LETM2: variants seen among roughly 807,000 people sequenced by gnomAD.
LETM2 encodes the protein LETM1 domain-containing protein LETM2, mitochondrial.
LETM2 carries 58 observed loss-of-function variants against 59.6 expected under a neutral mutation model. The observed-to-expected ratio is 0.97, with a 90% CI of 0.79 to 1.21. The LOEUF (loss-of-function observed/expected upper bound fraction) is 1.21. Ranked by LOEUF, LETM2 falls within the 50% of genes most tolerant of loss-of-function variation. The pLI is 0.00. For missense variants in LETM2, 572 were observed against 575.7 expected, an observed-to-expected ratio of 0.99 and a Z score of 0.07; for synonymous variants, 199 against 214.1, an observed-to-expected ratio of 0.93 and a Z score of 0.62.
In LETM2 at chr8:38,400,458, A is replaced by G. The variant is rs758666746; in HGVS notation, c.783+49A>G. ...GAACAACTTCGGGGCTGGGCGTTCT[A>G]TGAAAAACGCATGTCATCATGGATT... On this transcript the variant is annotated intron_variant, in intron 5 of 10. Transcript: ENST00000379957. The G allele has an allele frequency of 5.3e-6, 8 of 1,513,112 alleles. No individual in the cohort carries two copies. In the South Asian group the frequency reaches 1.1e-4, roughly 20 times the overall value. 93.7% of individuals were successfully genotyped at this position (1,513,112 alleles called of 1,614,324 possible).
chr8:38,389,691 C>A (rs111422600), intron 2 of LETM2, among the ~76,000 whole-genome samples: 1 of 151,972 alleles, frequency 6.6e-6, no homozygotes, highest in Non-Finnish European at 1.5e-5. Flanking sequence ...GAAGATAGCT[C>A]GAGCCCAGGA....
chr8:38,398,911 G>A (rs1274098338), intron 4 of LETM2, among the ~76,000 whole-genome samples: 14 of 151,888 alleles, frequency 9.2e-5, no homozygotes, highest in Admixed American at 2.6e-4. Context: ...GTAGAGACAG[G>A]GTTTCACCGT....
At chr8:38,400,720 A>T in intron 5 of LETM2, 133 bp from the exon 6 acceptor site, 1 of 835,778 alleles carries the variant, frequency 1.2e-6, no homozygotes. Context: ...TCTTTTCTTT[A>T]TACCACGAAG....
chr8:38,400,758 C>T, intron 5 of LETM2, 95 bp from the exon 6 acceptor site: 1 of 1,087,578 alleles, frequency 9.2e-7, no homozygotes, highest in Non-Finnish European at 1.3e-6. Context: ...GACAGAGTCC[C>T]ATAAATGCTT....
intron 2 of LETM2, among the ~76,000 whole-genome samples, chr8:38,391,562 G>T (rs1354804713): frequency 6.6e-6 from 1 of 151,902 alleles, no homozygotes; most frequent in Admixed American, 6.6e-5. Flanking sequence ...CAAAGTGCTG[G>T]GATTACAGGC....
rs1207166775 is a variant in LETM2, at chr8:38,392,818, A to G, written c.324A>G (p.Thr108=). ...KHPQVTSPQA[T]KETGMEIKEG... ...CACAGGTGACAAGCCCTCAGGCCAC[A>G]AAAGAAACTGGCATGGAGATTAAAG... The change falls in exon 3 of 11, where the codon ACA becomes ACG. Residue 108 remains threonine (T), a synonymous_variant. Transcript: ENST00000379957. 1 of 1,614,186 alleles carries G rather than the reference A, an allele frequency of 6.2e-7. No homozygotes were observed.
chr8:38,398,200 A>G lies in LETM2; in HGVS notation c.646-2072A>G, dbSNP rs535076981. ...GGGATACCTTCACAGGATAAATCAA[A>G]TTACAATATTTGACTGCCTGGCAAT... On this transcript the variant is annotated intron_variant, in intron 4 of 10. Transcript: ENST00000379957. Among the ~76,000 whole-genome samples the G allele has an allele frequency of 7.2e-5, 11 of 152,220 alleles. 1 individual carries two copies. In the South Asian group the frequency reaches 2.1e-3, roughly 29 times the overall value.
intron 8 of LETM2, among the ~76,000 whole-genome samples, chr8:38,405,958 T>G (rs539734796): frequency 6.6e-6 from 1 of 152,234 alleles, no homozygotes; most frequent in Admixed American, 6.5e-5. Flanking sequence ...CTATTCTCCA[T>G]GTATATATAC....
upstream of LETM2, among the ~76,000 whole-genome samples, chr8:38,385,176 C>G (rs1178684152): frequency 1.3e-5 from 2 of 152,160 alleles, no homozygotes; most frequent in Non-Finnish European, 2.9e-5. Flanking sequence ...AAAGTTTTGC[C>G]TATTTAACAG....
At chr8:38,396,443 C>T (rs777400754) in intron 4 of LETM2, among the ~76,000 whole-genome samples, 5 of 152,252 alleles carry the variant, frequency 3.3e-5, no homozygotes, top group Middle Eastern at 3.4e-3. Context: ...GGATAACAGA[C>T]GTGAGCCACT....
intron 7 of LETM2, among the ~76,000 whole-genome samples, chr8:38,403,776 CTTGAACG>C (rs1813450599): frequency 6.6e-6 from 1 of 152,196 alleles, no homozygotes; most frequent in South Asian, 2.1e-4. Flanking sequence ...TCATGTATTT[CTTGAACG>C]TTGGCTATGA....
rs1344446219 is a variant in LETM2, at chr8:38,408,814, A to C, written c.*540A>C. On this transcript the variant is annotated 3_prime_UTR_variant, in exon 11 of 11. Coordinates refer to ENST00000379957, the MANE Select transcript of LETM2 (RefSeq NM_001286819.2). ...TGGATATAATGAAGCTTCCTGGAGAAACAGACTGGCAATCAGAAAGATTTG... is the reference window on the plus strand; with the variant it reads ...TGGATATAATGAAGCTTCCTGGAGACACAGACTGGCAATCAGAAAGATTTG... 1 of 152,390 alleles carries C rather than the reference A, an allele frequency of 6.6e-6. No individual in the cohort carries two copies. The highest frequency in any genetic ancestry group is 2.4e-5 in the African/African-American group (1 of 41,474). The allele number at this position is 152,390 out of a possible 1,614,324, so 9.4% of individuals were successfully genotyped here.
upstream of LETM2, chr8:38,386,250 C>G (rs1437212044): frequency 6.6e-6 from 1 of 152,326 alleles, no homozygotes; most frequent in African/African-American, 2.4e-5. Flanking sequence ...TTAGCCACTG[C>G]CTGCGGAGTG....
intron 4 of LETM2, among the ~76,000 whole-genome samples, chr8:38,395,608 C>T (rs369523565): frequency 2.6e-4 from 40 of 152,058 alleles, no homozygotes; most frequent in African/African-American, 9.6e-4. Context: ...CTCTGCTTCC[C>T]GGGTTCAAGT....
chr8:38,407,241 G>T, intron 9 of LETM2, 121 bp from the exon 10 acceptor site: 1 of 885,998 alleles, frequency 1.1e-6, no homozygotes, highest in South Asian at 1.5e-5. Flanking sequence ...TTTGCCTTTT[G>T]AATCCTGTGC....
At chr8:38,385,902 C>G (rs1811755222), upstream of LETM2, among the ~76,000 whole-genome samples, 1 of 152,312 alleles carries the variant, frequency 6.6e-6, no homozygotes, top group South Asian at 2.1e-4. Flanking sequence ...GATTTCTATA[C>G]AAATTATTAA....
chr8:38,392,740 C>T lies in LETM2; in HGVS notation c.246C>T (p.Cys82=), dbSNP rs1397686038. Residue 82 remains cysteine, a synonymous_variant, in exon 3 of 11, where the codon TGC becomes TGT. Coordinates refer to ENST00000379957, the MANE Select transcript of LETM2 (RefSeq NM_001286819.2). ...TACAAAAGCTACACACATCCACTTG[C>T]TGGCTGCAAGAAGTTCCTGGCAAAC... ...RLIQKLHTST[C]WLQEVPGKPQ... 1 of 1,614,050 alleles carries T rather than the reference C, an allele frequency of 6.2e-7. No individual in the cohort carries two copies. Among genetic ancestry groups the T allele is most frequent in the African/African-American group, 1.3e-5 (1 of 74,922 alleles).
chr8:38,388,065 A>G, intron 2 of LETM2, 35 bp downstream of exon 2: 2 of 1,366,374 alleles, frequency 1.5e-6, no homozygotes, highest in South Asian at 1.3e-5. Context: ...TATGAACGTA[A>G]TTCTTCTTCT....
In LETM2 at chr8:38,407,402, C is replaced by T; in HGVS notation, c.1352C>T (p.Pro451Leu). The change falls in exon 10 of 11, where the codon CCC becomes CTC. Residue 451 changes from proline to leucine, a missense_variant. Physicochemically the swap from Pro to Leu is moderately conservative, Grantham distance 98. Transcript: ENST00000379957. ...CAGCCGCCACCAGTTACATCATCAC[C>T]CATAACACCATCAACACCTATTTCA... ...FIQPPPVTSS[P>L]ITPSTPISLP... The T allele has an allele frequency of 6.2e-7, 1 of 1,613,496 alleles. No homozygotes were observed. The highest frequency in any genetic ancestry group is 8.5e-7 in the Non-Finnish European group (1 of 1,179,542).
Sources: allele counts gnomAD v4.1 joint callset (sites outside exome capture counted in the v4.1 genomes callset), GRCh38; gene constraint gnomAD v4.1.1; transcripts MANE v1.5; gene names NCBI Gene and HGNC (gene_info 2026-07-23, HGNC 2026-07-21).